Variants in THSD7B observed in about 807,000 individuals in gnomAD.
THSD7B encodes thrombospondin type 1 domain containing 7B, also known as thrombospondin type-1 domain-containing protein 7B.
Under a neutral mutation model 213.6 loss-of-function variants are expected in THSD7B, and 138 were observed. The ratio of observed to expected loss-of-function variants is 0.65; its 90% confidence interval spans 0.56 to 0.74. The LOEUF (loss-of-function observed/expected upper bound fraction) is 0.74. THSD7B is among the 30% of genes least tolerant of loss of function. THSD7B has a pLI of 0.00. For synonymous variants in THSD7B, 742 were observed against 687.0 expected (o/e 1.08, Z -1.25); for missense variants, 1,931 against 1,991.5 (o/e 0.97, Z 0.58).
At chr2:137,542,802 G>A (rs1680633124) in intron 15 of THSD7B, among the ~76,000 whole-genome samples, 1 of 151,724 alleles carries the variant, frequency 6.6e-6, no homozygotes, top group South Asian at 2.1e-4. Context: ...CAATCGTGTT[G>A]TACTAACATA....
chr2:136,951,949 A>T (rs971173216), intron 2 of THSD7B, among the ~76,000 whole-genome samples: 2 of 152,122 alleles, frequency 1.3e-5, no homozygotes, highest in African/African-American at 4.8e-5. Context: ...AGCTCACTGC[A>T]ACCTCCGCCT....
At chr2:137,553,272 C>T (rs1021265972) in intron 15 of THSD7B, among the ~76,000 whole-genome samples, 2 of 152,118 alleles carry the variant, frequency 1.3e-5, no homozygotes, top group African/African-American at 2.4e-5. Flanking sequence ...TACAGAAAGG[C>T]AGAAGCTGTA....
chr2:137,214,223 C>A (rs1054092852), intron 7 of THSD7B, among the ~76,000 whole-genome samples: 2 of 152,012 alleles, frequency 1.3e-5, no homozygotes, highest in African/African-American at 4.8e-5. Flanking sequence ...TGTCACCATG[C>A]CTATTTATGT....
At chr2:137,657,902 A>G (rs976786328) in intron 24 of THSD7B, among the ~76,000 whole-genome samples, 1 of 152,024 alleles carries the variant, frequency 6.6e-6, no homozygotes, top group Non-Finnish European at 1.5e-5. Context: ...TAGTACAGAC[A>G]GGGTTTCACC....
intron 1 of THSD7B, among the ~76,000 whole-genome samples, chr2:136,779,527 T>C (rs1159914199): frequency 2.0e-5 from 3 of 152,208 alleles, no homozygotes; most frequent in African/African-American, 7.2e-5. Context: ...TTACTGCATA[T>C]ACATTAGGAG....
At position 136,783,914 on chromosome 2, in the gene THSD7B, A is replaced by C. The variant is rs116590658; in HGVS notation, c.-36+18227A>C. 6.0e-3 allele frequency among the ~76,000 whole-genome samples: 911 copies of C among 152,324 alleles called. 15 individuals carry two copies. Among genetic ancestry groups the C allele is most frequent in the African/African-American group, 0.021 (853 of 41,578 alleles). On this transcript the variant is annotated intron_variant, in intron 1 of 27. Transcript: ENST00000409968. ...CTTCTTCATCAATTTCGTAAGAGAA[A>C]TGCATGGCAGTTAGGACTTTAATTA... is the stretch of plus-strand genomic sequence containing the variant.
intron 2 of THSD7B, among the ~76,000 whole-genome samples, chr2:137,020,458 G>A (rs565769125): frequency 6.6e-6 from 1 of 152,170 alleles, no homozygotes; most frequent in South Asian, 2.1e-4. Context: ...ATCTGATTGC[G>A]GTTCATTTAA....
intron 2 of THSD7B, among the ~76,000 whole-genome samples, chr2:137,030,084 G>T (rs1686636894): frequency 6.6e-6 from 1 of 151,984 alleles, no homozygotes; most frequent in Non-Finnish European, 1.5e-5. Context: ...TAATCTATGT[G>T]TGGGTTTTGC....
chr2:137,380,989 G>T (rs957940880), intron 12 of THSD7B, among the ~76,000 whole-genome samples: 1 of 152,234 alleles, frequency 6.6e-6, no homozygotes, highest in Non-Finnish European at 1.5e-5. Context: ...CAGAGAGAGA[G>T]TAAAACCATG....
chr2:137,095,024 G>A lies in THSD7B; in HGVS notation c.1102G>A (p.Val368Met), dbSNP rs762280000. 1.2e-5 allele frequency: 19 copies of A among 1,613,756 alleles called. 1 individual carries two copies. The highest frequency in any genetic ancestry group is 4.4e-5 in the South Asian group (4 of 91,088). The change falls in exon 4 of 28, where the codon GTG becomes ATG. Residue 368 changes from valine to methionine, a missense_variant. Transcript: ENST00000409968. ...LPGFRSRSRN[V>M]KHMAIGGGKE... ...AGGATTTAGGAGCAGGAGCCGGAAC[G>A]TGAAGCACATGGCTATTGGAGGTGG...
At chr2:136,970,872 C>A (rs1312745578) in intron 2 of THSD7B, among the ~76,000 whole-genome samples, 1 of 152,132 alleles carries the variant, frequency 6.6e-6, no homozygotes, top group Admixed American at 6.5e-5. Flanking sequence ...TTCTGGATAG[C>A]AAGTTTGGAA....
chr2:137,080,017 T>G (rs759849083), intron 3 of THSD7B, among the ~76,000 whole-genome samples: 10 of 152,116 alleles, frequency 6.6e-5, no homozygotes, highest in Admixed American at 6.6e-5. Context: ...TTTTTTTGTA[T>G]TTTTAGTAGA....
At chr2:137,036,165 T>C (rs1177476931) in intron 2 of THSD7B, among the ~76,000 whole-genome samples, 1 of 152,172 alleles carries the variant, frequency 6.6e-6, no homozygotes, top group Non-Finnish European at 1.5e-5. Flanking sequence ...TTTTCACTAA[T>C]GCACATGAAA....
At position 137,071,498 on chromosome 2, in the gene THSD7B, T is replaced by G. The variant is rs534052942; in HGVS notation, c.950+14268T>G. On this transcript the variant is annotated intron_variant, in intron 3 of 27. Transcript: ENST00000409968. Reference sequence around the variant, plus strand: ...GTAGATTGCAAAAATTTTCTCCCATTTTGTAGGTTGCCTGTTCACTCTGAT... The same window carrying G: ...GTAGATTGCAAAAATTTTCTCCCATGTTGTAGGTTGCCTGTTCACTCTGAT... Among the ~76,000 whole-genome samples the G allele has an allele frequency of 2.0e-4, 30 of 152,312 alleles. No individual in the cohort carries two copies. In the South Asian group the frequency reaches 4.8e-3, roughly 24 times the overall value.
At chr2:137,360,831 G>A (rs1685239463) in intron 12 of THSD7B, among the ~76,000 whole-genome samples, 2 of 152,180 alleles carry the variant, frequency 1.3e-5, no homozygotes, top group South Asian at 4.1e-4. Context: ...AAACATCCTT[G>A]TCTGACAGCT....
chr2:137,533,380 A>G (rs1680436445), intron 15 of THSD7B, among the ~76,000 whole-genome samples: 1 of 151,786 alleles, frequency 6.6e-6, no homozygotes, highest in South Asian at 2.1e-4. Context: ...CTTCTTTATC[A>G]TATTATTTTA....
At chr2:137,172,083 A>G (rs886717581) in intron 7 of THSD7B, among the ~76,000 whole-genome samples, 15 of 152,146 alleles carry the variant, frequency 9.9e-5, no homozygotes, top group Admixed American at 9.8e-4. Flanking sequence ...TGTTTGTGTG[A>G]TATTGTGTTT....
At chr2:137,430,826 G>A (rs1687163745) in intron 14 of THSD7B, among the ~76,000 whole-genome samples, 2 of 152,180 alleles carry the variant, frequency 1.3e-5, no homozygotes, top group Non-Finnish European at 2.9e-5. Flanking sequence ...GGGATGGGGA[G>A]GGAAGACACT....
chr2:137,425,500 A>AG (rs1220965503), intron 14 of THSD7B, among the ~76,000 whole-genome samples: 1 of 152,170 alleles, frequency 6.6e-6, no homozygotes, highest in East Asian at 1.9e-4. Flanking sequence ...TACAGGCGTG[A>AG]GCCCCTGTGC....
Sources: allele counts gnomAD v4.1 joint callset (sites outside exome capture counted in the v4.1 genomes callset), GRCh38; gene constraint gnomAD v4.1.1; transcripts MANE v1.5; gene names NCBI Gene and HGNC (gene_info 2026-07-23, HGNC 2026-07-21).